Variants in NELL2 observed in about 807,000 individuals in gnomAD.
The protein encoded by NELL2 is neural EGFL like 2.
NELL2 carries 41 observed loss-of-function variants against 109.6 expected under a neutral mutation model. That is an observed-to-expected ratio of 0.37 (90% confidence interval 0.29 to 0.49). The LOEUF (loss-of-function observed/expected upper bound fraction) is 0.49. Ranked by LOEUF, NELL2 falls within the 20% of genes least tolerant of loss-of-function variation. The probability of loss-of-function intolerance (pLI) is 0.98; values close to 1 mark genes in which losing one functional copy is unlikely to be tolerated. For missense variants in NELL2, 900 were observed against 1,008.3 expected, an observed-to-expected ratio of 0.89 and a Z score of 1.45; for synonymous variants, 355 against 344.7, an observed-to-expected ratio of 1.03 and a Z score of -0.33.
intron 15 of NELL2, among the ~76,000 whole-genome samples, chr12:44,568,116 G>T (rs1043128516): frequency 6.6e-6 from 1 of 152,070 alleles, no homozygotes; most frequent in African/African-American, 2.4e-5. Flanking sequence ...TAAAAGACTT[G>T]CAGATGAGAC....
chr12:44,694,419 C>G (rs2136401707), intron 12 of NELL2, among the ~76,000 whole-genome samples: 1 of 151,990 alleles, frequency 6.6e-6, no homozygotes, highest in East Asian at 1.9e-4. Context: ...CTCCAGCTTA[C>G]CCACTCCAGA....
rs771669487 is a variant in NELL2, at chr12:44,774,782, G to T, written c.959C>A (p.Ala320Glu). The T allele has an allele frequency of 2.0e-5, 33 of 1,613,978 alleles. 1 individual carries two copies. In the Middle Eastern group the frequency reaches 4.1e-3, roughly 202 times the overall value. Residue 320 changes from alanine (A) to glutamate (E), a missense_variant, in exon 9 of 20, where the codon GCG (alanine) becomes GAG (glutamate). Ala to Glu is a moderately radical substitution (Grantham distance 107). This residue lies in a region of NELL2 where 292 missense variants were observed against 265.3 expected (regional missense o/e 1.10). Coordinates refer to ENST00000429094, the MANE Select transcript of NELL2 (RefSeq NM_001145108.2). ...CTTACAGCATTTGCCATCCACATACGCAAGAGCCGACTTAAGTGGGCAGTC... is the reference window on the plus strand; with the variant it reads ...CTTACAGCATTTGCCATCCACATACTCAAGAGCCGACTTAAGTGGGCAGTC... ...NPDCPLKSAL[A>E]YVDGKCCKEC...
At chr12:44,667,949 G>A (rs12580824) in intron 12 of NELL2, among the ~76,000 whole-genome samples, 24,995 of 152,074 alleles carry the variant, frequency 0.16, 2,146 homozygotes, top group East Asian at 0.21. Flanking sequence ...GCATTGTTCC[G>A]GAAAGGGAGT....
intron 1 of NELL2, among the ~76,000 whole-genome samples, chr12:44,891,383 T>C (rs939076792): frequency 4.6e-5 from 7 of 152,222 alleles, no homozygotes; most frequent in African/African-American, 1.7e-4. Context: ...ACATGCAATA[T>C]GCACCTTCTA....
chr12:44,855,645 T>A (rs1203257153), intron 2 of NELL2, among the ~76,000 whole-genome samples: 2 of 152,232 alleles, frequency 1.3e-5, no homozygotes, highest in African/African-American at 4.8e-5. Flanking sequence ...TCCAACTTAA[T>A]CTTTATCTGC....
chr12:44,778,837 T>TAACAGGCA (rs1275286028), intron 5 of NELL2, among the ~76,000 whole-genome samples: 2 of 152,198 alleles, frequency 1.3e-5, no homozygotes, highest in African/African-American at 4.8e-5. Flanking sequence ...GGTTTCCTGG[T>TAACAGGCA]AACAGGCAAT....
chr12:44,649,356 A>G (rs768459895), intron 13 of NELL2, among the ~76,000 whole-genome samples: 3 of 152,138 alleles, frequency 2.0e-5, no homozygotes, highest in Non-Finnish European at 4.4e-5. Flanking sequence ...TACAGAAGCC[A>G]AAAGAGGCAA....
At chr12:44,888,690 C>G (rs1483323047) in intron 1 of NELL2, among the ~76,000 whole-genome samples, 1 of 151,718 alleles carries the variant, frequency 6.6e-6, no homozygotes, top group African/African-American at 2.4e-5. Flanking sequence ...GCTTTCCATA[C>G]AAATCATATT....
At chr12:44,748,876 C>T (rs922866407) in intron 9 of NELL2, among the ~76,000 whole-genome samples, 5 of 152,126 alleles carry the variant, frequency 3.3e-5, no homozygotes, top group Non-Finnish European at 2.9e-5. Flanking sequence ...GAGGAAGAGA[C>T]CAAGAAAAAG....
intron 2 of NELL2, among the ~76,000 whole-genome samples, chr12:44,864,650 G>C (rs1047810975): frequency 1.3e-5 from 2 of 152,136 alleles, no homozygotes; most frequent in Admixed American, 6.5e-5. Flanking sequence ...TTTCAGCAAT[G>C]AACAGATCAT....
At chr12:44,917,228 T>C (rs1945835324), upstream of NELL2, among the ~76,000 whole-genome samples, 1 of 152,176 alleles carries the variant, frequency 6.6e-6, no homozygotes. Flanking sequence ...CTCCCTAAAA[T>C]TTCCATCCAT....
Position 44,727,913 on chromosome 12 carries a change from C to A in NELL2, c.995-13172G>T, listed in dbSNP as rs553338964. On this transcript the variant is annotated intron_variant, in intron 9 of 19. Transcript: ENST00000429094. Reference sequence around the variant, plus strand: ...TGGAATTAACTAAGAAGCAAAAGGGCTTCCCATAATCCTTCATGTCTTCAG... The same window carrying A: ...TGGAATTAACTAAGAAGCAAAAGGGATTCCCATAATCCTTCATGTCTTCAG... Among the ~76,000 whole-genome samples the A allele has an allele frequency of 3.3e-5, 5 of 152,124 alleles. No individual in the cohort carries two copies. In the East Asian group the frequency reaches 9.6e-4, roughly 29 times the overall value.
intron 16 of NELL2, among the ~76,000 whole-genome samples, chr12:44,526,262 T>G (rs1468805886): frequency 6.6e-6 from 1 of 152,208 alleles, no homozygotes; most frequent in Non-Finnish European, 1.5e-5. Flanking sequence ...AACTGTTTCC[T>G]TGGTTCAGGC....
At chr12:44,616,280 C>T (rs988858324) in intron 13 of NELL2, among the ~76,000 whole-genome samples, 3 of 152,176 alleles carry the variant, frequency 2.0e-5, no homozygotes, top group Non-Finnish European at 4.4e-5. Context: ...TATCTTGCAT[C>T]TTCTACTCTT....
intron 19 of NELL2, among the ~76,000 whole-genome samples, chr12:44,509,576 CTCTA>C (rs1940892797): frequency 6.6e-6 from 1 of 152,146 alleles, no homozygotes; most frequent in African/African-American, 2.4e-5. Flanking sequence ...CGTCCTCTCT[CTCTA>C]TCTACCATGT....
intron 2 of NELL2, among the ~76,000 whole-genome samples, chr12:44,830,335 T>A (rs771306303): frequency 6.6e-6 from 1 of 152,170 alleles, no homozygotes; most frequent in African/African-American, 2.4e-5. Context: ...ATAGGCTAAT[T>A]TGACCTGAAA....
intron 2 of NELL2, among the ~76,000 whole-genome samples, chr12:44,858,835 T>G (rs1012656226): frequency 6.6e-6 from 1 of 152,194 alleles, no homozygotes; most frequent in African/African-American, 2.4e-5. Flanking sequence ...CTGATGCAGG[T>G]GGATACATTT....
chr12:44,804,489 G>T (rs1809586766), intron 3 of NELL2, among the ~76,000 whole-genome samples: 1 of 151,768 alleles, frequency 6.6e-6, no homozygotes, highest in Non-Finnish European at 1.5e-5. Flanking sequence ...GATTTCACAT[G>T]GACTTTTTAA....
chr12:44,804,653 AT>A (rs1395779188), intron 3 of NELL2, among the ~76,000 whole-genome samples: 1 of 151,908 alleles, frequency 6.6e-6, no homozygotes, highest in East Asian at 1.9e-4. Flanking sequence ...CTTAAAGAGT[AT>A]TTGTGAAGTT....
Sources: allele counts gnomAD v4.1 joint callset (sites outside exome capture counted in the v4.1 genomes callset), GRCh38; gene constraint gnomAD v4.1.1; regional missense constraint gnomAD v4.1.1; transcripts MANE v1.5; gene names NCBI Gene and HGNC (gene_info 2026-07-23, HGNC 2026-07-21).